NEGR1: variants seen among roughly 807,000 people sequenced by gnomAD.
NEGR1 encodes IgLON family member 4.
Under a neutral mutation model 40.9 loss-of-function variants are expected in NEGR1, and 10 were observed. That is an observed-to-expected ratio of 0.24 (90% CI 0.15 to 0.42). The LOEUF (loss-of-function observed/expected upper bound fraction) is 0.42. Ranked by LOEUF, NEGR1 falls within the 10% of genes least tolerant of loss-of-function variation. NEGR1 has a pLI of 1.00. For synonymous variants in NEGR1, 185 were observed against 166.8 expected (o/e 1.11, Z -0.84); for missense variants, 352 against 438.9 (o/e 0.80, Z 1.77).
At chr1:71,857,306 A>C (rs1022722294) in intron 2 of NEGR1, among the ~76,000 whole-genome samples, 5 of 151,702 alleles carry the variant, frequency 3.3e-5, no homozygotes, top group Admixed American at 6.6e-5. Context: ...CCATTTTCTC[A>C]TCTGAAAAAT....
intron 5 of NEGR1, among the ~76,000 whole-genome samples, chr1:71,609,270 C>T (rs1650163889): frequency 6.6e-6 from 1 of 151,676 alleles, no homozygotes; most frequent in South Asian, 2.1e-4. Flanking sequence ...AATCCCAGCA[C>T]TTTGGGAGGC....
At chr1:72,058,004 C>T (rs1438588587) in intron 1 of NEGR1, among the ~76,000 whole-genome samples, 2 of 151,452 alleles carry the variant, frequency 1.3e-5, no homozygotes, top group African/African-American at 4.8e-5. Flanking sequence ...AGGTCCCTGG[C>T]GCACCCTCTG....
At chr1:72,180,320 G>T (rs1024518297) in intron 1 of NEGR1, among the ~76,000 whole-genome samples, 1 of 151,540 alleles carries the variant, frequency 6.6e-6, no homozygotes, top group Non-Finnish European at 1.5e-5. Flanking sequence ...AATTCAAAAC[G>T]GATAAAAGAC....
At chr1:72,019,894 G>A (rs1217030677) in intron 1 of NEGR1, among the ~76,000 whole-genome samples, 1 of 152,142 alleles carries the variant, frequency 6.6e-6, no homozygotes. Context: ...TTGCATTTAT[G>A]GAGCGCTTAT....
At chr1:71,903,935 CCTT>C (rs556764078) in intron 2 of NEGR1, among the ~76,000 whole-genome samples, 42 of 151,872 alleles carry the variant, frequency 2.8e-4, no homozygotes, top group African/African-American at 9.4e-4. Context: ...AGATTTTTGG[CCTT>C]CTAATTTGCA....
intron 2 of NEGR1, among the ~76,000 whole-genome samples, chr1:71,802,545 C>T (rs751409212): frequency 7.9e-5 from 12 of 152,190 alleles, no homozygotes; most frequent in Admixed American, 2.0e-4. Context: ...GTGGGGCCAC[C>T]TCCTAGATTT....
At chr1:72,160,377 T>C (rs1415888634) in intron 1 of NEGR1, among the ~76,000 whole-genome samples, 1 of 152,134 alleles carries the variant, frequency 6.6e-6, no homozygotes, top group Non-Finnish European at 1.5e-5. Flanking sequence ...ATCTCAATAG[T>C]TTCATTAGTT....
Position 71,684,114 on chromosome 1 carries a change from CA to C in NEGR1, c.667+13893del, listed in dbSNP as rs1050371609. ...TGAAACCCTGTCTCTACTAAAAATACAAAAAATTAGCCGGGCGTGGTGGTGG... is the reference window on the plus strand; with the variant it reads ...TGAAACCCTGTCTCTACTAAAAATACAAAAATTAGCCGGGCGTGGTGGTGG... On this transcript the variant is annotated intron_variant, in intron 4 of 6. Coordinates refer to ENST00000357731, the MANE Select transcript of NEGR1 (RefSeq NM_173808.3). Among the ~76,000 whole-genome samples, 6 of 151,906 alleles carry C rather than the reference CA, an allele frequency of 3.9e-5. No homozygotes were observed. In the East Asian group the frequency reaches 9.7e-4, roughly 25 times the overall value.
At chr1:71,420,497 AAAC>A (rs1356430276) in intron 6 of NEGR1, among the ~76,000 whole-genome samples, 3 of 152,076 alleles carry the variant, frequency 2.0e-5, no homozygotes, top group African/African-American at 7.2e-5. Context: ...AGTAGAAAAA[AAAC>A]ATTCTACACA....
intron 1 of NEGR1, among the ~76,000 whole-genome samples, chr1:72,211,666 G>T (rs1653611482): frequency 6.6e-6 from 1 of 150,864 alleles, no homozygotes; most frequent in Non-Finnish European, 1.5e-5. Flanking sequence ...ATTTATAAAT[G>T]AACTAATAAT....
intron 1 of NEGR1, among the ~76,000 whole-genome samples, chr1:72,058,483 C>A (rs529409565): frequency 1.4e-4 from 21 of 151,664 alleles, no homozygotes; most frequent in Middle Eastern, 3.4e-3. Flanking sequence ...ATAAACATAG[C>A]AGTACATTTT....
chr1:71,401,153 T>A lies in NEGR1; in HGVS notation c.*6293A>T, dbSNP rs1392886293. The A allele has an allele frequency of 1.3e-5, 2 of 152,218 alleles. No homozygotes were observed. Among genetic ancestry groups the A allele is most frequent in the Non-Finnish European group, 2.9e-5 (2 of 68,042 alleles). 9.4% of individuals were successfully genotyped at this position (152,218 alleles called of 1,614,324 possible). A position where few individuals can be genotyped will look rare whatever the true frequency, so the allele number is the denominator to read the frequency against. Reference sequence around the variant, plus strand: ...TTCTGATTCTTTTGGAGCCTCTGTATTTTTCATTATATTTGAACTCTTTTT... The same window carrying A: ...TTCTGATTCTTTTGGAGCCTCTGTAATTTTCATTATATTTGAACTCTTTTT... On this transcript the variant is annotated 3_prime_UTR_variant, in exon 7 of 7. Transcript: ENST00000357731.
At chr1:71,483,895 A>C (rs915211437) in intron 6 of NEGR1, among the ~76,000 whole-genome samples, 2 of 151,784 alleles carry the variant, frequency 1.3e-5, no homozygotes, top group Non-Finnish European at 2.9e-5. Flanking sequence ...AGGTTTTTAA[A>C]ATGTCATTTT....
chr1:71,722,542 A>C (rs1313144292), intron 3 of NEGR1, among the ~76,000 whole-genome samples: 2 of 152,064 alleles, frequency 1.3e-5, no homozygotes, highest in Admixed American at 1.3e-4. Flanking sequence ...GAATTTGCTA[A>C]TCTTGTCTGT....
At chr1:71,607,074 C>T (rs1650096490) in intron 5 of NEGR1, among the ~76,000 whole-genome samples, 1 of 152,014 alleles carries the variant, frequency 6.6e-6, no homozygotes, top group Non-Finnish European at 1.5e-5. Context: ...TTATGTGAGC[C>T]TCAAATCAAA....
chr1:71,504,483 T>A (rs1647019677), intron 6 of NEGR1, among the ~76,000 whole-genome samples: 1 of 151,666 alleles, frequency 6.6e-6, no homozygotes, highest in Non-Finnish European at 1.5e-5. Context: ...ATGTTACAAG[T>A]GTAGAAAGCC....
chr1:71,640,146 C>A (rs777783589), intron 4 of NEGR1, among the ~76,000 whole-genome samples: 1 of 152,030 alleles, frequency 6.6e-6, no homozygotes, highest in African/African-American at 2.4e-5. Flanking sequence ...CAACAGTTTC[C>A]GGTATGGGTT....
chr1:71,551,359 T>G (rs1477170819), intron 6 of NEGR1, among the ~76,000 whole-genome samples: 1 of 151,612 alleles, frequency 6.6e-6, no homozygotes, highest in African/African-American at 2.4e-5. Flanking sequence ...TTCATATGGT[T>G]AAGTGTTTCG....
At chr1:71,767,051 G>T (rs2101707155) in intron 3 of NEGR1, among the ~76,000 whole-genome samples, 1 of 152,212 alleles carries the variant, frequency 6.6e-6, no homozygotes, top group Admixed American at 6.5e-5. Flanking sequence ...TGCAGTCTCG[G>T]GTATTTCTTT....
Sources: gnomAD v4.1 joint callset for allele counts (sites outside exome capture counted in the v4.1 genomes callset) on GRCh38, gnomAD v4.1.1 for gene constraint, MANE v1.5 for transcripts, NCBI Gene and HGNC (gene_info 2026-07-23, HGNC 2026-07-21) for gene names.